RNF13: variants seen among roughly 807,000 people sequenced by gnomAD.
The protein encoded by RNF13 is E3 ubiquitin-protein ligase RNF13.
RNF13 carries 19 observed loss-of-function variants against 37.7 expected under a neutral mutation model. That is an observed-to-expected ratio of 0.50 (90% confidence interval 0.35 to 0.74). RNF13 has a LOEUF of 0.74. Among genes scored for constraint, RNF13 ranks in the 30% least tolerant of loss-of-function variants. The probability of loss-of-function intolerance (pLI) is 0.01; values close to 1 mark genes in which losing one functional copy is unlikely to be tolerated. For synonymous variants in RNF13, 144 were observed against 157.8 expected (o/e 0.91, Z 0.65); for missense variants, 375 against 453.0 (o/e 0.83, Z 1.56).
chr3:149,827,606 A>G (rs1035226590), intron 1 of RNF13, among the ~76,000 whole-genome samples: 1 of 152,212 alleles, frequency 6.6e-6, no homozygotes, highest in African/African-American at 2.4e-5. Context: ...TTTGAGGAGC[A>G]TATGTTTTTG....
Position 149,960,885 on chromosome 3 carries a change from C to T in RNF13, c.927C>T (p.Thr309=), listed in dbSNP as rs1289135595. 3 of 1,614,012 alleles carry T rather than the reference C, an allele frequency of 1.9e-6. No homozygotes were observed. The highest frequency in any genetic ancestry group is 1.1e-5 in the South Asian group (1 of 91,088). ...SQEENEVTEH[T]PLLRPLASVS... ...AAGAAAATGAAGTGACAGAACATAC[C>T]CCTTTACTGAGACCTTTAGCTTCTG... Residue 309 remains threonine, a synonymous_variant, in exon 10 of 10, where the codon ACC becomes ACT. Transcript: ENST00000392894.
In RNF13 at chr3:149,912,082, T is replaced by C. The variant is rs1717053462; in HGVS notation, c.605T>C (p.Met202Thr). 4 of 1,425,026 alleles carry C rather than the reference T, an allele frequency of 2.8e-6. No individual in the cohort carries two copies. The highest frequency in any genetic ancestry group is 4.0e-6 in the Non-Finnish European group (4 of 1,011,956). 88.3% of individuals were successfully genotyped at this position (1,425,026 alleles called of 1,614,324 possible). A position where few individuals can be genotyped will look rare whatever the true frequency, so the allele number is the denominator to read the frequency against. ...GICLILIVIF[M>T]ITKFVQDRHR... ...TGTCTCATCTTGATAGTCATTTTCA[T>C]GGTAGGTACATTAACTTTTAATAAT... Residue 202 changes from methionine (M) to threonine (T), a missense_variant and splice_region_variant, in exon 7 of 10, where the codon ATG becomes ACG. Met to Thr is a moderately conservative substitution (Grantham distance 81, BLOSUM62 -1). Coordinates refer to ENST00000392894, the MANE Select transcript of RNF13 (RefSeq NM_183381.3).
chr3:149,870,251 A>T (rs759205487), intron 3 of RNF13, among the ~76,000 whole-genome samples: 2 of 151,636 alleles, frequency 1.3e-5, no homozygotes, highest in Non-Finnish European at 3.0e-5. Flanking sequence ...TCCAGTGTAG[A>T]AACAGTGAGT....
chr3:149,890,807 A>G (rs978090945), intron 4 of RNF13, among the ~76,000 whole-genome samples: 3 of 151,994 alleles, frequency 2.0e-5, no homozygotes, highest in African/African-American at 7.3e-5. Context: ...ACCTTTTCCC[A>G]CTGTTAACCA....
rs78987796 is a variant in RNF13, at chr3:149,853,426, T to A, written c.195+830T>A. On this transcript the variant is annotated intron_variant, in intron 3 of 9. Coordinates refer to ENST00000392894, the MANE Select transcript of RNF13 (RefSeq NM_183381.3). Reference sequence around the variant, plus strand: ...AAAAATCTAATGAACTTAAACATATTTTTTGCTGTGTGTGTGAGAGAGAGA... The same window carrying A: ...AAAAATCTAATGAACTTAAACATATATTTTGCTGTGTGTGTGAGAGAGAGA... Among the ~76,000 whole-genome samples the A allele has an allele frequency of 2.4e-3, 348 of 146,148 alleles. 3 individuals carry two copies. The highest frequency in any genetic ancestry group is 4.3e-3 in the Non-Finnish European group (287 of 66,618).
In RNF13 at chr3:149,900,926, C is replaced by CT. The variant is rs374827849; in HGVS notation, c.410-1144dup. Among the ~76,000 whole-genome samples the CT allele has an allele frequency of 1.5e-3, 232 of 152,028 alleles. 1 individual carries two copies. Among genetic ancestry groups the CT allele is most frequent in the African/African-American group, 5.2e-3 (217 of 41,454 alleles). On this transcript the variant is annotated intron_variant, in intron 5 of 9. Transcript: ENST00000392894. Reference sequence around the variant, plus strand: ...TAAAACAATCTAGAAGTGAAAAAAACTTACTCTACCAAGGATATCAAGATT... The same window carrying CT: ...TAAAACAATCTAGAAGTGAAAAAAACTTTACTCTACCAAGGATATCAAGATT...
At chr3:149,950,875 G>A (rs1363696370) in intron 8 of RNF13, among the ~76,000 whole-genome samples, 1 of 152,122 alleles carries the variant, frequency 6.6e-6, no homozygotes, top group African/African-American at 2.4e-5. Context: ...TGGCTGGCGG[G>A]AGCTGGAGTT....
At chr3:149,915,238 G>A (rs1207632169) in intron 7 of RNF13, among the ~76,000 whole-genome samples, 1 of 151,992 alleles carries the variant, frequency 6.6e-6, no homozygotes, top group East Asian at 1.9e-4. Context: ...TATAAATTTT[G>A]TCCTTACATC....
At chr3:149,909,442 A>ATTTTTTTTTT (rs35918938) in intron 6 of RNF13, among the ~76,000 whole-genome samples, 212 of 114,018 alleles carry the variant, frequency 1.9e-3, no homozygotes, top group East Asian at 2.8e-3. Flanking sequence ...TGCCTGGTTA[A>ATTTTTTTTTT]TTTTTTTTTT....
Position 149,881,753 on chromosome 3 carries a change from A to G in RNF13, c.321+9599A>G, listed in dbSNP as rs542755471. ...CAAGATTTTACTAGCCCTACCAAAA[A>G]TGTTTTCTAATGAAATAAATAAATT... On this transcript the variant is annotated intron_variant, in intron 4 of 9. Transcript: ENST00000392894. Among the ~76,000 whole-genome samples, 97 of 152,348 alleles carry G rather than the reference A, an allele frequency of 6.4e-4. 1 individual carries two copies. The highest frequency in any genetic ancestry group is 2.5e-3 in the South Asian group (12 of 4,828).
At chr3:149,921,264 A>AT in intron 8 of RNF13, 37 bp downstream of exon 8, 8 of 963,886 alleles carry the variant, frequency 8.3e-6, no homozygotes, top group Non-Finnish European at 1.0e-5. Flanking sequence ...TCCTTAGTTT[A>AT]TTTAAGACTG....
intron 4 of RNF13, among the ~76,000 whole-genome samples, chr3:149,890,395 T>TC (rs1436240300): frequency 6.6e-6 from 1 of 152,188 alleles, no homozygotes; most frequent in Non-Finnish European, 1.5e-5. Context: ...GTCCTTTTTT[T>TC]TCTCTCTCTT....
chr3:149,817,543 A>G (rs991603364), intron 1 of RNF13, among the ~76,000 whole-genome samples: 1 of 152,190 alleles, frequency 6.6e-6, no homozygotes, highest in Non-Finnish European at 1.5e-5. Context: ...GTTACCTTGA[A>G]TTGGTTAATA....
intron 1 of RNF13, among the ~76,000 whole-genome samples, chr3:149,838,528 G>A (rs1401322630): frequency 1.3e-5 from 2 of 152,186 alleles, no homozygotes; most frequent in African/African-American, 2.4e-5. Flanking sequence ...TCAATACCAC[G>A]TGGAAACTGC....
chr3:149,908,958 A>G (rs1294685204), intron 6 of RNF13, among the ~76,000 whole-genome samples: 1 of 152,208 alleles, frequency 6.6e-6, no homozygotes, highest in Non-Finnish European at 1.5e-5. Flanking sequence ...ATCAAATCTT[A>G]GCTGCAGAGC....
intron 1 of RNF13, among the ~76,000 whole-genome samples, chr3:149,840,370 A>G (rs1171141615): frequency 6.6e-6 from 1 of 152,020 alleles, no homozygotes. Flanking sequence ...TTTTTTTATT[A>G]TAGGCATACT....
At chr3:149,827,004 T>A (rs1720569366) in intron 1 of RNF13, among the ~76,000 whole-genome samples, 1 of 152,190 alleles carries the variant, frequency 6.6e-6, no homozygotes, top group Admixed American at 6.5e-5. Flanking sequence ...GCAGTCCACC[T>A]ACCTTAGCTT....
In RNF13 at chr3:149,919,907, G is replaced by A. The variant is rs1251011422; in HGVS notation, c.607-1227G>A. 7.2e-5 allele frequency among the ~76,000 whole-genome samples: 11 copies of A among 152,256 alleles called. No individual in the cohort carries two copies. In the South Asian group the frequency reaches 2.3e-3, roughly 32 times the overall value. ...CCCTCCACTTCCGTGCCAACGCTTG[G>A]TATAGTCAGTGTTTTACATTTTAGT... On this transcript the variant is annotated intron_variant, in intron 7 of 9. Coordinates refer to ENST00000392894, the MANE Select transcript of RNF13 (RefSeq NM_183381.3).
At chr3:149,922,658 TATC>T (rs1718265301) in intron 8 of RNF13, among the ~76,000 whole-genome samples, 2 of 152,230 alleles carry the variant, frequency 1.3e-5, no homozygotes, top group South Asian at 4.1e-4. Flanking sequence ...AGCTGTTATA[TATC>T]ATCACTTATA....
Sources: gnomAD v4.1 joint callset for allele counts (sites outside exome capture counted in the v4.1 genomes callset) on GRCh38, gnomAD v4.1.1 for gene constraint, MANE v1.5 for transcripts, NCBI Gene and HGNC (gene_info 2026-07-23, HGNC 2026-07-21) for gene names.